TACC2: variants seen among roughly 807,000 people sequenced by gnomAD.
TACC2 encodes the protein transforming acidic coiled-coil-containing protein 2.
In TACC2, 137 loss-of-function variants were observed where a neutral mutation model predicts 227.3. That is an observed-to-expected ratio of 0.60 (90% CI 0.52 to 0.69). The LOEUF is 0.69. Among genes scored for constraint, TACC2 ranks in the 30% least tolerant of loss-of-function variants. The pLI is 0.00. For synonymous variants in TACC2, 1,523 were observed against 1,487.5 expected (o/e 1.02, Z -0.55); for missense variants, 3,470 against 3,694.4 (o/e 0.94, Z 1.57).
intron 5 of TACC2, among the ~76,000 whole-genome samples, chr10:122,092,106 A>C (rs1194641431): frequency 6.6e-6 from 1 of 152,156 alleles, no homozygotes; most frequent in African/African-American, 2.4e-5. Context: ...GCACGATTAT[A>C]TCTCTCTTCA....
chr10:122,221,152 T>C (rs983564742), intron 11 of TACC2, among the ~76,000 whole-genome samples: 3 of 152,270 alleles, frequency 2.0e-5, no homozygotes, highest in African/African-American at 7.2e-5. Context: ...ATTTGGGCTG[T>C]AATTGTATCA....
At chr10:122,046,861 C>T (rs1184498152) in intron 2 of TACC2, among the ~76,000 whole-genome samples, 3 of 152,014 alleles carry the variant, frequency 2.0e-5, no homozygotes, top group African/African-American at 7.2e-5. Context: ...GTTTGCATGG[C>T]GGTCAGACAA....
At chr10:122,064,125 G>A (rs2077140206) in intron 3 of TACC2, among the ~76,000 whole-genome samples, 1 of 152,064 alleles carries the variant, frequency 6.6e-6, no homozygotes, top group African/African-American at 2.4e-5. Context: ...TCATGCCACT[G>A]CACTCCAGCT....
intron 5 of TACC2, among the ~76,000 whole-genome samples, chr10:122,118,514 T>G (rs7097450): frequency 0.83 from 125,615 of 152,118 alleles, 52,892 homozygotes; most frequent in East Asian, 0.95. Context: ...CAGATTTTCG[T>G]CAGTTCTTGT....
chr10:122,179,841 A>C (rs1463223051), intron 7 of TACC2, among the ~76,000 whole-genome samples: 2 of 152,096 alleles, frequency 1.3e-5, no homozygotes, highest in Non-Finnish European at 2.9e-5. Context: ...GTTATTTGGG[A>C]GGCTGAGGCG....
intron 8 of TACC2, among the ~76,000 whole-genome samples, chr10:122,203,616 C>G (rs577659687): frequency 6.3e-4 from 96 of 151,656 alleles, no homozygotes; most frequent in African/African-American, 2.1e-3. Flanking sequence ...CGGGCAGAGA[C>G]GCTCCTCACT....
intron 5 of TACC2, among the ~76,000 whole-genome samples, chr10:122,116,314 T>A (rs986556566): frequency 1.3e-5 from 2 of 152,198 alleles, no homozygotes; most frequent in African/African-American, 4.8e-5. Context: ...ATCCACAGTG[T>A]TATAGAGTTT....
rs117175805 is a variant in TACC2 at position 122,096,187 on chromosome 10, G to A, written c.5573+7596G>A. ...TCGTGGCACATCTGCCCAGTAATGCGGATCAGCAGGAGGTGTCTTTCCTGC... is the reference window on the plus strand; with the variant it reads ...TCGTGGCACATCTGCCCAGTAATGCAGATCAGCAGGAGGTGTCTTTCCTGC... On this transcript the variant is annotated intron_variant, in intron 5 of 22. Transcript: ENST00000369005. 3.6e-3 allele frequency among the ~76,000 whole-genome samples: 550 copies of A among 152,312 alleles called. 6 individuals are homozygous for A. The highest frequency in any genetic ancestry group is 0.01 in the Middle Eastern group (3 of 294).
intron 2 of TACC2, among the ~76,000 whole-genome samples, chr10:122,030,141 A>G (rs1285234437): frequency 6.6e-6 from 1 of 152,164 alleles, no homozygotes; most frequent in African/African-American, 2.4e-5. Flanking sequence ...ACCCTAGAAT[A>G]CAAGAACATT....
intron 5 of TACC2, among the ~76,000 whole-genome samples, chr10:122,103,141 G>A (rs900763737): frequency 3.3e-5 from 5 of 151,708 alleles, no homozygotes; most frequent in African/African-American, 1.2e-4. Context: ...CCAGTGAAAT[G>A]GATCTTATGA....
intron 1 of TACC2, among the ~76,000 whole-genome samples, chr10:122,020,792 T>C (rs1591127564): frequency 1.3e-5 from 2 of 152,200 alleles, no homozygotes; most frequent in South Asian, 4.1e-4. Flanking sequence ...AAGGATTTTC[T>C]GTAATTTAGT....
At position 122,132,082 on chromosome 10, in the gene TACC2, G is replaced by GAAAGAA. The variant is rs138785067; in HGVS notation, c.5574-526_5574-525insAAGAAA. Among the ~76,000 whole-genome samples the GAAAGAA allele has an allele frequency of 7.6e-4, 103 of 136,084 alleles. 2 individuals are homozygous for GAAAGAA. Among genetic ancestry groups the GAAAGAA allele is most frequent in the African/African-American group, 2.5e-3 (86 of 33,922 alleles). 89.3% of individuals were successfully genotyped at this position (136,084 alleles called of 152,430 possible). A position where few individuals can be genotyped will look rare whatever the true frequency, so the allele number is the denominator to read the frequency against. ...AAAGAAAGAAAAAGAAAGAAAGAAA[G>GAAAGAA]AGAAAGATCTACAAAGGTTTCTAAA... On this transcript the variant is annotated intron_variant, in intron 5 of 22. Coordinates refer to ENST00000369005, the MANE Select transcript of TACC2 (RefSeq NM_206862.4).
intron 5 of TACC2, among the ~76,000 whole-genome samples, chr10:122,124,795 A>G (rs1465897918): frequency 1.3e-5 from 2 of 152,192 alleles, no homozygotes; most frequent in Non-Finnish European, 2.9e-5. Context: ...TTCCGCAGTC[A>G]TTGACATTTT....
At chr10:121,996,946 G>C (rs1035495561) in intron 1 of TACC2, among the ~76,000 whole-genome samples, 11 of 152,166 alleles carry the variant, frequency 7.2e-5, no homozygotes, top group African/African-American at 2.6e-4. Context: ...ACCAAATCCT[G>C]AAGCTCCTGG....
chr10:122,012,691 A>G (rs1956098033), intron 1 of TACC2, among the ~76,000 whole-genome samples: 1 of 150,998 alleles, frequency 6.6e-6, no homozygotes, highest in Non-Finnish European at 1.5e-5. Context: ...AGCCTGGGGG[A>G]GCAAAGAGTA....
At position 122,211,058 on chromosome 10, in the gene TACC2, A is replaced by T. The variant is rs768698106; in HGVS notation, c.6633A>T (p.Glu2211Asp). ...AACPLDSESA[E>D]GVVPPASGGG... Reference sequence around the variant, plus strand: ...GCCCTCTGGACTCAGAGAGTGCAGAAGGGGTTGTCCCCCCGGCTTCTGGAG... The same window carrying T: ...GCCCTCTGGACTCAGAGAGTGCAGATGGGGTTGTCCCCCCGGCTTCTGGAG... The change falls in exon 9 of 23, where the codon GAA becomes GAT. Residue 2211 changes from glutamate (E) to aspartate (D), a missense_variant. By Grantham distance (45) the Glu-to-Asp change is conservative (BLOSUM62 2). This residue lies in a region of TACC2 where 593 missense variants were observed against 636.6 expected (regional missense o/e 0.93). Coordinates refer to ENST00000369005, the MANE Select transcript of TACC2 (RefSeq NM_206862.4). 6.2e-7 allele frequency: 1 copy of T among 1,612,828 alleles called. No homozygotes were observed. The highest frequency in any genetic ancestry group is 8.5e-7 in the Non-Finnish European group (1 of 1,179,470).
At chr10:122,185,485 C>G (rs1006403574) in intron 7 of TACC2, among the ~76,000 whole-genome samples, 1 of 152,034 alleles carries the variant, frequency 6.6e-6, no homozygotes, top group African/African-American at 2.4e-5. Flanking sequence ...CATGAGCCAC[C>G]GCACCTGGCC....
At chr10:122,199,796 C>T (rs543246894) in intron 8 of TACC2, among the ~76,000 whole-genome samples, 1 of 152,312 alleles carries the variant, frequency 6.6e-6, no homozygotes, top group East Asian at 1.9e-4. Context: ...GCTCAGGGCA[C>T]TGGCAGATTT....
intron 7 of TACC2, chr10:122,164,020 G>C: frequency 6.4e-7 from 1 of 1,562,800 alleles, no homozygotes; most frequent in South Asian, 1.2e-5. Context: ...GCCGCCCCGA[G>C]TCTCCCGGGG....
Sources: allele counts gnomAD v4.1 joint callset (sites outside exome capture counted in the v4.1 genomes callset), GRCh38; gene constraint gnomAD v4.1.1; regional missense constraint gnomAD v4.1.1; transcripts MANE v1.5; gene names NCBI Gene and HGNC (gene_info 2026-07-23, HGNC 2026-07-21).